CREB5: variants seen among roughly 807,000 people sequenced by gnomAD.
CREB5 encodes cAMP responsive element binding protein 5.
In CREB5, 19 loss-of-function variants were observed where a neutral mutation model predicts 57.1. That is an observed-to-expected ratio of 0.33 (90% confidence interval 0.23 to 0.49). CREB5 has a LOEUF of 0.49. CREB5 is among the 20% of genes least tolerant of loss of function. The pLI is 0.99. For synonymous variants in CREB5, 238 were observed against 238.3 expected (o/e 1.00, Z 0.01); for missense variants, 579 against 671.6 (o/e 0.86, Z 1.52).
chr7:28,409,989 G>T (rs927098305), upstream of CREB5: 9 of 454,296 alleles, frequency 2.0e-5, no homozygotes, highest in African/African-American at 1.6e-4. This position sits in a 1 kb window ranked among gnomAD's most constrained non-coding sequence, Gnocchi z 4.4. Flanking sequence ...CAGCTTCCCA[G>T]CGTGGCGGCG....
intron 1 of CREB5, among the ~76,000 whole-genome samples, chr7:28,318,754 A>G (rs1272172484): frequency 6.6e-6 from 1 of 152,198 alleles, no homozygotes; most frequent in African/African-American, 2.4e-5. Flanking sequence ...CTCTTAGAAG[A>G]GGCACAGAAT....
intron 1 of CREB5, among the ~76,000 whole-genome samples, chr7:28,477,350 C>A (rs543654080): frequency 4.1e-4 from 63 of 152,292 alleles, no homozygotes; most frequent in African/African-American, 1.4e-3. Context: ...CTGCCTGCAC[C>A]CTCTTCCCCT....
intron 1 of CREB5, among the ~76,000 whole-genome samples, chr7:28,310,671 C>A (rs1352173287): frequency 1.3e-5 from 2 of 152,168 alleles, no homozygotes; most frequent in Non-Finnish European, 2.9e-5. Flanking sequence ...AGTATGTTTA[C>A]CTAATTGTTA....
chr7:28,604,397 GATA>G lies in CREB5; in HGVS notation c.464+33865_464+33867del, dbSNP rs545247230. Reference sequence around the variant, plus strand: ...TAATAACCATTTTCTTATAGAGCTAGATAATAAGAGGCAACACTGCCTACTAAA... The same window carrying G: ...TAATAACCATTTTCTTATAGAGCTAGATAAGAGGCAACACTGCCTACTAAA... On this transcript the variant is annotated intron_variant, in intron 5 of 10. Transcript: ENST00000357727. Among the ~76,000 whole-genome samples, 480 of 152,232 alleles carry G rather than the reference GATA, an allele frequency of 3.2e-3. 3 individuals carry two copies. The highest frequency in any genetic ancestry group is 5.2e-3 in the Non-Finnish European group (356 of 68,008).
chr7:28,655,719 CTTT>C (rs1327411525), intron 5 of CREB5, among the ~76,000 whole-genome samples: 3 of 152,104 alleles, frequency 2.0e-5, no homozygotes, highest in Non-Finnish European at 4.4e-5. Context: ...ATATTATGTG[CTTT>C]TTTATCACAA....
intron 4 of CREB5, among the ~76,000 whole-genome samples, chr7:28,552,159 G>A (rs1256162131): frequency 2.0e-5 from 3 of 151,954 alleles, no homozygotes; most frequent in Non-Finnish European, 4.4e-5. Context: ...TCCTGCTTCA[G>A]CCTCCCAAGT....
intron 1 of CREB5, among the ~76,000 whole-genome samples, chr7:28,451,329 CT>C (rs1335926222): frequency 2.6e-5 from 4 of 152,136 alleles, no homozygotes; most frequent in African/African-American, 9.7e-5. Context: ...CTATGTTAGG[CT>C]TTCTGCAAGT....
At chr7:28,544,445 A>G (rs1298169475) in intron 4 of CREB5, among the ~76,000 whole-genome samples, 1 of 152,232 alleles carries the variant, frequency 6.6e-6, no homozygotes, top group Non-Finnish European at 1.5e-5. Flanking sequence ...AGTCTCCTGC[A>G]AATTTCCTAG....
chr7:28,688,331 C>T (rs887282789), intron 5 of CREB5, among the ~76,000 whole-genome samples: 3 of 152,088 alleles, frequency 2.0e-5, no homozygotes, highest in Admixed American at 6.5e-5. Context: ...TAAAAGATCC[C>T]GCACATCCTT....
Position 28,724,263 on chromosome 7 carries a change from G to A in CREB5, c.633G>A (p.Met211Ile). Residue 211 changes from methionine to isoleucine, a missense_variant, in exon 7 of 11, where the codon ATG becomes ATA. This residue lies in a region of CREB5 where 459 missense variants were observed against 515.7 expected (regional missense o/e 0.89). Coordinates refer to ENST00000357727, the MANE Select transcript of CREB5 (RefSeq NM_182898.4). ...QMSVNSSIMG[M>I]QGPNLSNPCA... ...CAGTGAACTCCAGCATCATGGGGATGCAAGGTCCAAATCTCAGCAACCCCT... is the reference window on the plus strand; with the variant it reads ...CAGTGAACTCCAGCATCATGGGGATACAAGGTCCAAATCTCAGCAACCCCT... 1 of 1,613,612 alleles carries A rather than the reference G, an allele frequency of 6.2e-7. No homozygotes were observed. The highest frequency in any genetic ancestry group is 8.5e-7 in the Non-Finnish European group (1 of 1,179,820).
In CREB5 at chr7:28,420,855, T is replaced by C. The variant is rs192806880; in HGVS notation, c.3+7938T>C. On this transcript the variant is annotated intron_variant, in intron 1 of 10. Coordinates refer to ENST00000357727, the MANE Select transcript of CREB5 (RefSeq NM_182898.4). ...GGTTAGGGTGGCAAGTTTTATGTTA[T>C]ATATATTTTACCACAGTTATAAGAA... 8.6e-5 allele frequency among the ~76,000 whole-genome samples: 13 copies of C among 151,442 alleles called. No individual in the cohort carries two copies. In the East Asian group the frequency reaches 1.9e-3, roughly 23 times the overall value.
chr7:28,780,686 C>T (rs1806922789), intron 7 of CREB5, among the ~76,000 whole-genome samples: 2 of 152,150 alleles, frequency 1.3e-5, no homozygotes, highest in African/African-American at 4.8e-5. Flanking sequence ...CGTGTAATTG[C>T]ACTCCAGCCT....
At chr7:28,385,729 GT>G (rs562452251) in intron 1 of CREB5, among the ~76,000 whole-genome samples, 11 of 151,522 alleles carry the variant, frequency 7.3e-5, no homozygotes, top group South Asian at 6.3e-4. Flanking sequence ...AATGGTATGA[GT>G]TTTTTTTATA....
intron 4 of CREB5, among the ~76,000 whole-genome samples, chr7:28,512,255 C>T (rs539912058): frequency 2.0e-5 from 3 of 152,138 alleles, no homozygotes; most frequent in South Asian, 2.1e-4. Flanking sequence ...AATGTAGAAA[C>T]GGTGTTTATG....
intron 4 of CREB5, among the ~76,000 whole-genome samples, chr7:28,568,959 A>T (rs866652397): frequency 1.8e-4 from 28 of 152,128 alleles, no homozygotes; most frequent in South Asian, 2.1e-4. Flanking sequence ...GCGCAGACAG[A>T]TACATATTTT....
chr7:28,604,665 C>T (rs1431755359), intron 5 of CREB5, among the ~76,000 whole-genome samples: 1 of 151,430 alleles, frequency 6.6e-6, no homozygotes, highest in African/African-American at 2.4e-5. Context: ...GTCATGAGCA[C>T]AGCCCTCTCT....
chr7:28,497,282 C>T (rs1341356384), intron 3 of CREB5, among the ~76,000 whole-genome samples: 1 of 152,240 alleles, frequency 6.6e-6, no homozygotes, highest in Non-Finnish European at 1.5e-5. Flanking sequence ...ACGAAGCATT[C>T]TTCTATATAG....
intron 4 of CREB5, among the ~76,000 whole-genome samples, chr7:28,536,960 T>C (rs1301233234): frequency 1.3e-5 from 2 of 152,234 alleles, no homozygotes; most frequent in African/African-American, 4.8e-5. Context: ...TGCTTAACCA[T>C]GCTGATCCCC....
chr7:28,718,059 A>G (rs923469347), intron 5 of CREB5, among the ~76,000 whole-genome samples: 3 of 152,228 alleles, frequency 2.0e-5, no homozygotes, highest in Non-Finnish European at 2.9e-5. Flanking sequence ...GTGCTTACCC[A>G]AGTCTTGTAG....
Sources: gnomAD v4.1 joint callset for allele counts (sites outside exome capture counted in the v4.1 genomes callset) on GRCh38, gnomAD v4.1.1 for gene constraint, gnomAD v4.1.1 regional missense constraint, Gnocchi (gnomAD v3.1) non-coding constraint, MANE v1.5 for transcripts, NCBI Gene and HGNC (gene_info 2026-07-23, HGNC 2026-07-21) for gene names.